The following SYT17 variants were observed in gnomAD, a reference collection of about 807,000 sequenced individuals.
SYT17 encodes the protein synaptotagmin-17.
In SYT17, 22 loss-of-function variants were observed where a neutral mutation model predicts 46.7. That is an observed-to-expected ratio of 0.47 (90% CI 0.34 to 0.67). The LOEUF is 0.67. Ranked by LOEUF, SYT17 falls within the 30% of genes least tolerant of loss-of-function variation. The probability of loss-of-function intolerance (pLI) is 0.01; values close to 1 mark genes in which losing one functional copy is unlikely to be tolerated. For synonymous variants in SYT17, 251 were observed against 248.4 expected (o/e 1.01, Z -0.10); for missense variants, 519 against 612.8 (o/e 0.85, Z 1.62).
chr16:19,204,465 G>A (rs984883175), intron 5 of SYT17, among the ~76,000 whole-genome samples: 13 of 152,040 alleles, frequency 8.6e-5, no homozygotes, highest in Admixed American at 7.2e-4. Context: ...AGCTTTCGGC[G>A]TTGAGGTGCT....
intron 7 of SYT17, among the ~76,000 whole-genome samples, chr16:19,261,238 A>C (rs1401232909): frequency 6.6e-6 from 1 of 152,234 alleles, no homozygotes; most frequent in Non-Finnish European, 1.5e-5. Context: ...TTCTAATAGA[A>C]GTTATTACTT....
At chr16:19,252,693 A>G (rs1212603391) in intron 7 of SYT17, among the ~76,000 whole-genome samples, 1 of 150,292 alleles carries the variant, frequency 6.7e-6, no homozygotes. Flanking sequence ...TCCTCAACTT[A>G]ATGTTTGCAT....
rs570750940 is a variant in SYT17 at position 19,228,397 on chromosome 16, G to A, written c.1228+3559G>A. ...TTCAGGCTCCTCTGGTTAAAAGCTC[G>A]TTGAAAATATTCTTTCTGGAGAAGG... On this transcript the variant is annotated intron_variant, in intron 7 of 7. Coordinates refer to ENST00000355377, the MANE Select transcript of SYT17 (RefSeq NM_016524.4). Among the ~76,000 whole-genome samples, 7 of 152,232 alleles carry A rather than the reference G, an allele frequency of 4.6e-5. No homozygotes were observed. The East Asian group carries it at 7.7e-4, about 17-fold the overall frequency.
At chr16:19,192,335 C>T (rs1276524569) in intron 5 of SYT17, among the ~76,000 whole-genome samples, 2 of 151,854 alleles carry the variant, frequency 1.3e-5, no homozygotes, top group African/African-American at 2.4e-5. Context: ...GCATGAGAAT[C>T]GCTTGAATCC....
rs554367086 is a variant in SYT17, at chr16:19,201,206, C to T, written c.951+17059C>T. 1.3e-4 allele frequency among the ~76,000 whole-genome samples: 20 copies of T among 152,136 alleles called. 1 individual carries two copies. The highest frequency in any genetic ancestry group is 5.2e-4 in the Admixed American group (8 of 15,280). ...GTGGTCATGGAGGCCTGTTTATCTG[C>T]GGCATGGAAGGACTTGCCTCCCGAG... On this transcript the variant is annotated intron_variant, in intron 5 of 7. Coordinates refer to ENST00000355377, the MANE Select transcript of SYT17 (RefSeq NM_016524.4).
In SYT17 at chr16:19,247,286, T is replaced by C. The variant is rs1012162304; in HGVS notation, c.1229-19594T>C. On this transcript the variant is annotated intron_variant, in intron 7 of 7. Coordinates refer to ENST00000355377, the MANE Select transcript of SYT17 (RefSeq NM_016524.4). ...AAACCTTGAGGTTAATCACTTTTTC[T>C]GGGCTTAGAAACATTGTTAGAGTGA... 2.0e-5 allele frequency among the ~76,000 whole-genome samples: 3 copies of C among 152,236 alleles called. No homozygotes were observed. The South Asian group carries it at 6.2e-4, about 32-fold the overall frequency.
At chr16:19,230,585 A>G (rs568897708) in intron 7 of SYT17, among the ~76,000 whole-genome samples, 3 of 152,316 alleles carry the variant, frequency 2.0e-5, no homozygotes, top group East Asian at 3.9e-4. Flanking sequence ...ATCCTGAGCA[A>G]TTCAGAGAAG....
intron 7 of SYT17, among the ~76,000 whole-genome samples, chr16:19,248,788 C>T (rs1303613023): frequency 2.0e-5 from 3 of 152,064 alleles, no homozygotes; most frequent in African/African-American, 4.8e-5. Flanking sequence ...CGCCACTGGA[C>T]TCCAGCCTGG....
chr16:19,266,918 G>A lies in SYT17; in HGVS notation c.1267G>A (p.Gly423Arg), dbSNP rs750782648. 5.0e-6 allele frequency: 8 copies of A among 1,613,530 alleles called. No individual in the cohort carries two copies. The highest frequency in any genetic ancestry group is 1.1e-5 in the South Asian group (1 of 91,016). The change falls in exon 8 of 8, where the codon GGG becomes AGG. Residue 423 changes from glycine (G) to arginine (R), a missense_variant. Gly to Arg is a moderately radical substitution (Grantham distance 125, BLOSUM62 -2). Transcript: ENST00000355377. ...HNMKSSNDFI[G>R]RIVIGQYSSG... ...CATGAAGAGCAGCAATGACTTCATC[G>A]GGAGGATCGTCATTGGCCAGTACTC...
chr16:19,264,265 C>T (rs1352168226), intron 7 of SYT17, among the ~76,000 whole-genome samples: 3 of 152,190 alleles, frequency 2.0e-5, no homozygotes, highest in African/African-American at 7.2e-5. Flanking sequence ...AAGACATCAA[C>T]TCTGCCCTTT....
intron 7 of SYT17, among the ~76,000 whole-genome samples, chr16:19,255,610 G>C (rs1386111150): frequency 6.6e-6 from 1 of 151,870 alleles, no homozygotes; most frequent in Non-Finnish European, 1.5e-5. Context: ...AACATAGCAA[G>C]ACCCCATGTC....
intron 7 of SYT17, among the ~76,000 whole-genome samples, chr16:19,243,266 T>G (rs1009602592): frequency 3.9e-5 from 6 of 152,184 alleles, no homozygotes; most frequent in Non-Finnish European, 8.8e-5. Flanking sequence ...TGGGGCCTGT[T>G]GTTCACTTTC....
intron 7 of SYT17, among the ~76,000 whole-genome samples, chr16:19,226,963 A>C (rs1391635984): frequency 6.6e-6 from 1 of 152,180 alleles, no homozygotes; most frequent in Non-Finnish European, 1.5e-5. Flanking sequence ...GAATCAGAGG[A>C]GAACAGGGGT....
chr16:19,224,890 A>C (rs1966449078), intron 7 of SYT17, 52 bp downstream of exon 7: 1 of 1,601,706 alleles, frequency 6.2e-7, no homozygotes, highest in Admixed American at 1.7e-5. Flanking sequence ...CGTCAAACTT[A>C]CTGTCCTAGA....
At chr16:19,216,741 A>G (rs979671245) in intron 5 of SYT17, among the ~76,000 whole-genome samples, 12 of 152,152 alleles carry the variant, frequency 7.9e-5, no homozygotes, top group South Asian at 6.2e-4. Context: ...ATAGTATTCC[A>G]TGGTGTATAT....
chr16:19,188,527 A>G (rs1964878281), intron 5 of SYT17, among the ~76,000 whole-genome samples: 1 of 151,344 alleles, frequency 6.6e-6, no homozygotes, highest in African/African-American at 2.4e-5. Context: ...AAAAAAAAAA[A>G]AAAAAAAAAA....
At chr16:19,196,852 T>C (rs1338445126) in intron 5 of SYT17, among the ~76,000 whole-genome samples, 3 of 152,208 alleles carry the variant, frequency 2.0e-5, no homozygotes, top group Admixed American at 2.0e-4. Flanking sequence ...ATAATTTCTC[T>C]GGGACTTTTT....
At chr16:19,250,359 T>TTGTGTGTGTGTGTG (rs55818940) in intron 7 of SYT17, among the ~76,000 whole-genome samples, 2,432 of 132,528 alleles carry the variant, frequency 0.018, 39 homozygotes, top group South Asian at 0.029. Context: ...TCAAACATGT[T>TTGTGTGTGTGTGTG]TGTGTGTGTG....
At chr16:19,214,909 C>A (rs1596964342) in intron 5 of SYT17, among the ~76,000 whole-genome samples, 5 of 152,058 alleles carry the variant, frequency 3.3e-5, no homozygotes, top group African/African-American at 1.2e-4. Context: ...CCACCTCAGC[C>A]TCCTGAGCAA....
Sources: gnomAD v4.1 joint callset for allele counts (sites outside exome capture counted in the v4.1 genomes callset) on GRCh38, gnomAD v4.1.1 for gene constraint, MANE v1.5 for transcripts, NCBI Gene and HGNC (gene_info 2026-07-23, HGNC 2026-07-21) for gene names.